Variants in GPM6A observed in about 807,000 individuals in gnomAD.
The protein encoded by GPM6A is glycoprotein M6A, also known as neuronal membrane glycoprotein M6-a.
GPM6A carries 7 observed loss-of-function variants against 32.1 expected under a neutral mutation model. The observed-to-expected ratio is 0.22, with a 90% CI of 0.12 to 0.41. The LOEUF is 0.41. GPM6A is among the 10% of genes least tolerant of loss of function. GPM6A has a pLI of 1.00. For missense variants in GPM6A, 235 were observed against 347.2 expected, an observed-to-expected ratio of 0.68 and a Z score of 2.57; for synonymous variants, 130 against 123.4, an observed-to-expected ratio of 1.05 and a Z score of -0.35.
chr4:175,903,893 A>T (rs1738043996), intron 1 of GPM6A, among the ~76,000 whole-genome samples: 1 of 152,150 alleles, frequency 6.6e-6, no homozygotes, highest in Non-Finnish European at 1.5e-5. Context: ...GGATAACGTG[A>T]TATATAGTAT....
At chr4:175,744,903 T>G (rs1732036451) in intron 1 of GPM6A, among the ~76,000 whole-genome samples, 1 of 152,298 alleles carries the variant, frequency 6.6e-6, no homozygotes, top group African/African-American at 2.4e-5. Flanking sequence ...GGATAGGAAT[T>G]ATGTGTATTT....
chr4:175,682,240 TA>T (rs78133876), intron 2 of GPM6A, among the ~76,000 whole-genome samples: 5,098 of 152,268 alleles, frequency 0.033, 251 homozygotes, highest in East Asian at 0.26. Flanking sequence ...AAGAAATTTC[TA>T]AGCTGCTAAG....
chr4:175,661,453 G>A (rs1437505646), intron 3 of GPM6A, among the ~76,000 whole-genome samples: 6 of 141,446 alleles, frequency 4.2e-5, no homozygotes, highest in African/African-American at 1.3e-4. Context: ...AAAAAAAAAA[G>A]TCACTGAAAG....
chr4:175,813,614 C>A (rs1347706307), upstream of GPM6A, among the ~76,000 whole-genome samples: 16 of 152,004 alleles, frequency 1.1e-4, no homozygotes, highest in African/African-American at 3.9e-4. Flanking sequence ...ACAGACATAA[C>A]TGTAACTCTC....
chr4:175,709,396 T>C (rs1745401694), intron 1 of GPM6A, among the ~76,000 whole-genome samples: 9 of 151,726 alleles, frequency 5.9e-5, no homozygotes, highest in Admixed American at 4.6e-4. Context: ...TTAAAGAGCA[T>C]TGGCCAGGAC....
chr4:175,803,642 G>A (rs1159180825), intron 1 of GPM6A, among the ~76,000 whole-genome samples: 1 of 152,016 alleles, frequency 6.6e-6, no homozygotes, highest in African/African-American at 2.4e-5. Flanking sequence ...TCTCAAAATG[G>A]AGATTTTGAA....
At chr4:175,705,389 T>C (rs1745115947) in intron 1 of GPM6A, among the ~76,000 whole-genome samples, 1 of 152,218 alleles carries the variant, frequency 6.6e-6, no homozygotes, top group African/African-American at 2.4e-5. Flanking sequence ...CAAACTTCTA[T>C]TCAAAGGAAG....
At chr4:175,866,323 G>C (rs1736733263) in intron 1 of GPM6A, among the ~76,000 whole-genome samples, 1 of 152,026 alleles carries the variant, frequency 6.6e-6, no homozygotes, top group Non-Finnish European at 1.5e-5. Context: ...GTTTGCTCTT[G>C]GTGTGGCACA....
intron 1 of GPM6A, among the ~76,000 whole-genome samples, chr4:175,879,374 CTG>C (rs1229809435): frequency 6.6e-6 from 1 of 152,164 alleles, no homozygotes; most frequent in Non-Finnish European, 1.5e-5. Context: ...ATGCCCAAGA[CTG>C]TGTAATTTAT....
chr4:175,882,020 A>G (rs1019971119), intron 1 of GPM6A, among the ~76,000 whole-genome samples: 3 of 152,024 alleles, frequency 2.0e-5, no homozygotes, highest in Non-Finnish European at 4.4e-5. Flanking sequence ...ATAAATTTTA[A>G]AAAAGGGGAG....
chr4:175,706,358 A>G lies in GPM6A; in HGVS notation c.38-4591T>C, dbSNP rs72702645. ...ACATGCCTTTGCTTTTGCTCACTCC[A>G]CAAACTGCATCAAAACAAATAAAGG... is the stretch of plus-strand genomic sequence containing the variant. On this transcript the variant is annotated intron_variant, in intron 1 of 6. Coordinates refer to ENST00000393658, the MANE Select transcript of GPM6A (RefSeq NM_201591.3). 8.6e-3 allele frequency among the ~76,000 whole-genome samples: 1,304 copies of G among 152,346 alleles called. 13 individuals are homozygous for G. Among genetic ancestry groups the G allele is most frequent in the Non-Finnish European group, 0.012 (832 of 68,032 alleles).
intron 1 of GPM6A, among the ~76,000 whole-genome samples, chr4:175,771,165 C>T (rs1733172996): frequency 6.6e-6 from 1 of 151,940 alleles, no homozygotes; most frequent in African/African-American, 2.4e-5. Flanking sequence ...TGTTTTTTTG[C>T]CCATTACCAA....
At chr4:175,716,827 A>G (rs1475871825) in intron 1 of GPM6A, among the ~76,000 whole-genome samples, 2 of 152,220 alleles carry the variant, frequency 1.3e-5, no homozygotes, top group African/African-American at 4.8e-5. Context: ...CAAGTTATTT[A>G]CTAGTATTTA....
At chr4:175,686,145 A>G (rs1437996556) in intron 2 of GPM6A, among the ~76,000 whole-genome samples, 1 of 152,200 alleles carries the variant, frequency 6.6e-6, no homozygotes, top group African/African-American at 2.4e-5. Flanking sequence ...TAACATTTCA[A>G]TTCTTACAAA....
chr4:175,857,038 C>T (rs998483505), intron 1 of GPM6A, among the ~76,000 whole-genome samples: 1 of 152,116 alleles, frequency 6.6e-6, no homozygotes, highest in African/African-American at 2.4e-5. Flanking sequence ...TATTTCCCTG[C>T]TTCCTGTCTG....
At chr4:175,643,593 C>T (rs1741281226) in intron 4 of GPM6A, among the ~76,000 whole-genome samples, 1 of 152,086 alleles carries the variant, frequency 6.6e-6, no homozygotes, top group African/African-American at 2.4e-5. Flanking sequence ...ACTATCGTTA[C>T]AGTAGGTAGT....
intron 1 of GPM6A, among the ~76,000 whole-genome samples, chr4:175,824,528 C>A (rs1735373612): frequency 6.6e-6 from 1 of 152,084 alleles, no homozygotes; most frequent in South Asian, 2.1e-4. Flanking sequence ...TGCCAGATAT[C>A]ATACATTTTT....
At chr4:175,823,060 G>A (rs1255230048) in intron 1 of GPM6A, among the ~76,000 whole-genome samples, 1 of 152,186 alleles carries the variant, frequency 6.6e-6, no homozygotes, top group Non-Finnish European at 1.5e-5. Context: ...TCTAACATTC[G>A]TAACACCTCT....
intron 1 of GPM6A, among the ~76,000 whole-genome samples, chr4:175,831,072 A>T (rs1054847940): frequency 6.6e-6 from 1 of 152,214 alleles, no homozygotes; most frequent in African/African-American, 2.4e-5. Flanking sequence ...TATTATTAGC[A>T]TCTATTTCTA....
Sources: allele counts gnomAD v4.1 joint callset (sites outside exome capture counted in the v4.1 genomes callset), GRCh38; gene constraint gnomAD v4.1.1; transcripts MANE v1.5; gene names NCBI Gene and HGNC (gene_info 2026-07-23, HGNC 2026-07-21).